The following SND1 variants were observed in gnomAD, a reference collection of about 807,000 sequenced individuals.
SND1 encodes staphylococcal nuclease and tudor domain containing 1, also known as staphylococcal nuclease domain-containing protein 1.
SND1 carries 38 observed loss-of-function variants against 121.7 expected under a neutral mutation model. That is an observed-to-expected ratio of 0.31 (90% CI 0.24 to 0.41). The LOEUF (loss-of-function observed/expected upper bound fraction) is 0.41, where lower values mean the gene tolerates loss of function less well. Ranked by LOEUF, SND1 falls within the 10% of genes least tolerant of loss-of-function variation. The pLI is 1.00. For synonymous variants in SND1, 401 were observed against 447.4 expected, an observed-to-expected ratio of 0.90 and a Z score of 1.31; for missense variants, 868 against 1,184.6, an observed-to-expected ratio of 0.73 and a Z score of 3.92.
At chr7:128,036,775 G>A (rs1395654018) in intron 16 of SND1, among the ~76,000 whole-genome samples, 1 of 152,196 alleles carries the variant, frequency 6.6e-6, no homozygotes, top group Non-Finnish European at 1.5e-5. Context: ...TCTAGCCACA[G>A]TCACTTACAT....
At chr7:127,973,531 G>C (rs6975274) in intron 15 of SND1, among the ~76,000 whole-genome samples, 8,839 of 152,224 alleles carry the variant, frequency 0.058, 756 homozygotes, top group African/African-American at 0.18. Context: ...GGGCAGAGGA[G>C]TGGGTTAGAA....
At chr7:127,796,890 CTTT>C (rs36078891) in intron 10 of SND1, among the ~76,000 whole-genome samples, 10 of 102,074 alleles carry the variant, frequency 9.8e-5, no homozygotes, top group Middle Eastern at 5.9e-3. Flanking sequence ...TTTCCTGAGT[CTTT>C]TTTTTTTTTT....
At chr7:128,083,153 A>G (rs946118294) in intron 18 of SND1, among the ~76,000 whole-genome samples, 5 of 152,142 alleles carry the variant, frequency 3.3e-5, no homozygotes, top group African/African-American at 1.2e-4. Flanking sequence ...CCTTCTTTCA[A>G]TTAGAGTCTG....
At chr7:127,873,396 A>T (rs555688296) in intron 12 of SND1, among the ~76,000 whole-genome samples, 6 of 152,072 alleles carry the variant, frequency 3.9e-5, no homozygotes, top group Non-Finnish European at 8.8e-5. Flanking sequence ...GGACTCCGTA[A>T]TTGGAGTGGG....
chr7:127,889,814 T>C (rs1162258505), intron 13 of SND1, among the ~76,000 whole-genome samples: 2 of 152,164 alleles, frequency 1.3e-5, no homozygotes, highest in Non-Finnish European at 2.9e-5. Flanking sequence ...CTTGGCATTA[T>C]GACCTCCAGT....
At chr7:127,735,619 T>C (rs931148364) in intron 10 of SND1, among the ~76,000 whole-genome samples, 5 of 152,264 alleles carry the variant, frequency 3.3e-5, no homozygotes, top group African/African-American at 1.2e-4. Flanking sequence ...GACCTGTTTT[T>C]TTTTGTTGTT....
chr7:128,035,000 A>G (rs758030898), intron 16 of SND1, among the ~76,000 whole-genome samples: 3 of 152,230 alleles, frequency 2.0e-5, no homozygotes, highest in African/African-American at 7.2e-5. Context: ...AGGAAGAGAC[A>G]GTGGATTCAG....
intron 16 of SND1, among the ~76,000 whole-genome samples, chr7:128,020,702 G>A (rs913434181): frequency 2.0e-5 from 3 of 152,104 alleles, no homozygotes; most frequent in Non-Finnish European, 2.9e-5. Flanking sequence ...ACCACTAGTC[G>A]GAGTGGATGT....
intron 11 of SND1, among the ~76,000 whole-genome samples, chr7:127,816,623 T>C (rs1230451997): frequency 2.6e-5 from 4 of 152,012 alleles, no homozygotes; most frequent in Non-Finnish European, 4.4e-5. Flanking sequence ...CTTAATACGT[T>C]AACAAGTAAC....
chr7:128,060,192 T>C lies in SND1; in HGVS notation c.1780-14310T>C, dbSNP rs900592027. On this transcript the variant is annotated intron_variant, in intron 16 of 23. Coordinates refer to ENST00000354725, the MANE Select transcript of SND1 (RefSeq NM_014390.4). ...TTACTGGTTGATGAACAGATCTCCT[T>C]CTAAGTGGGCTCTGCCTCCCTCGTT... 4.0e-4 allele frequency among the ~76,000 whole-genome samples: 61 copies of C among 152,238 alleles called. 1 individual carries two copies. Among genetic ancestry groups the C allele is most frequent in the African/African-American group, 1.4e-3 (58 of 41,546 alleles).
intron 14 of SND1, among the ~76,000 whole-genome samples, chr7:127,920,241 A>G (rs1800671353): frequency 6.6e-6 from 1 of 152,234 alleles, no homozygotes; most frequent in African/African-American, 2.4e-5. Context: ...CATTTTGTCT[A>G]TGAAATAGTT....
chr7:127,692,261 T>C (rs1795933343), intron 2 of SND1, among the ~76,000 whole-genome samples: 2 of 152,200 alleles, frequency 1.3e-5, no homozygotes. Flanking sequence ...CAACCTTTCT[T>C]GGGTCTGGAA....
At chr7:128,059,332 T>G (rs1013561626) in intron 16 of SND1, among the ~76,000 whole-genome samples, 2 of 152,230 alleles carry the variant, frequency 1.3e-5, no homozygotes, top group African/African-American at 4.8e-5. Flanking sequence ...GGATGTGGCT[T>G]TATCGTGTCT....
rs202178665 is a variant in SND1 at position 127,655,821 on chromosome 7, G to GT, written c.78+3378dup. On this transcript the variant is annotated intron_variant, in intron 1 of 23. Coordinates refer to ENST00000354725, the MANE Select transcript of SND1 (RefSeq NM_014390.4). ...GTTTTACTGACCTGGTTTACTCTCT[G>GT]TTTTTTTTCTCTTTGGGTATGTTTA... is the stretch of plus-strand genomic sequence containing the variant. Among the ~76,000 whole-genome samples, 53 of 151,996 alleles carry GT rather than the reference G, an allele frequency of 3.5e-4. 1 individual carries two copies. The highest frequency in any genetic ancestry group is 3.1e-3 in the Admixed American group (48 of 15,264).
chr7:127,658,062 C>T (rs112030917), intron 1 of SND1, among the ~76,000 whole-genome samples: 199 of 152,184 alleles, frequency 1.3e-3, no homozygotes, highest in African/African-American at 4.2e-3. Flanking sequence ...TAATCCCATC[C>T]CTGTAATCCC....
At chr7:127,714,239 G>A (rs779421923) in intron 9 of SND1, among the ~76,000 whole-genome samples, 7 of 152,204 alleles carry the variant, frequency 4.6e-5, no homozygotes, top group Non-Finnish European at 8.8e-5. Context: ...ATAACTAGAA[G>A]TGGTTCCTGC....
intron 12 of SND1, among the ~76,000 whole-genome samples, chr7:127,886,798 A>T (rs547376361): frequency 6.7e-6 from 1 of 150,100 alleles, no homozygotes. Flanking sequence ...GATGCAGGCC[A>T]CATAGAGTGG....
chr7:127,672,461 T>C (rs1293065683), intron 1 of SND1, among the ~76,000 whole-genome samples: 1 of 151,822 alleles, frequency 6.6e-6, no homozygotes, highest in East Asian at 1.9e-4. Context: ...AATACAAAAA[T>C]TAGCTGAGCA....
At chr7:127,889,751 A>T (rs1336018414) in intron 13 of SND1, among the ~76,000 whole-genome samples, 2 of 151,954 alleles carry the variant, frequency 1.3e-5, no homozygotes, top group Non-Finnish European at 2.9e-5. Context: ...TTTAGATCTC[A>T]CATATAAGTC....
Sources: allele counts gnomAD v4.1 joint callset (sites outside exome capture counted in the v4.1 genomes callset), GRCh38; gene constraint gnomAD v4.1.1; transcripts MANE v1.5; gene names NCBI Gene and HGNC (gene_info 2026-07-23, HGNC 2026-07-21).